The following EGF variants were observed in gnomAD, a reference collection of about 807,000 sequenced individuals.
The protein encoded by EGF is pro-epidermal growth factor.
In EGF, 95 loss-of-function variants were observed where a neutral mutation model predicts 143.8. That is an observed-to-expected ratio of 0.66 (90% CI 0.56 to 0.78). The LOEUF (loss-of-function observed/expected upper bound fraction) is 0.78. Ranked by LOEUF, EGF falls within the 30% of genes least tolerant of loss-of-function variation. The pLI, the probability that EGF is intolerant of heterozygous loss-of-function variation, is 0.00. For missense variants in EGF, 1,320 were observed against 1,470.9 expected, an observed-to-expected ratio of 0.90 and a Z score of 1.68; for synonymous variants, 510 against 510.5, an observed-to-expected ratio of 1.00 and a Z score of 0.01.
intron 1 of EGF, among the ~76,000 whole-genome samples, chr4:109,938,297 G>A (rs1260434721): frequency 6.6e-6 from 1 of 152,008 alleles, no homozygotes; most frequent in Admixed American, 6.6e-5. Flanking sequence ...TCTTCCGCTC[G>A]ATTGAATTGA....
In EGF at chr4:110,001,833, C is replaced by G. The variant is rs1476611069; in HGVS notation, c.3173+1987C>G. The G allele has an allele frequency of 9.1e-6, 9 of 985,272 alleles. No individual in the cohort carries two copies. The African/African-American group carries it at 1.6e-4, about 17-fold the overall frequency. 61.0% of individuals were successfully genotyped at this position (985,272 alleles called of 1,614,324 possible). ...AAAAGAAAGCTCATCAGAACCCTTTCTTTTTCTCTTCACTGAAATGCATCC... is the reference window on the plus strand; with the variant it reads ...AAAAGAAAGCTCATCAGAACCCTTTGTTTTTCTCTTCACTGAAATGCATCC... On this transcript the variant is annotated intron_variant, in intron 21 of 23. Transcript: ENST00000265171.
rs186324211 is a variant in EGF at position 109,932,600 on chromosome 4, G to T, written c.128-8346G>T. Among the ~76,000 whole-genome samples the T allele has an allele frequency of 0.013, 1,963 of 151,402 alleles. 204 individuals carry two copies. In the East Asian group the frequency reaches 0.23, roughly 18 times the overall value. Reference sequence around the variant, plus strand: ...TCACCGTGTTAGCCAGGAAGGTCTCGATCTCCTGACCTCATGATCCGCCTG... The same window carrying T: ...TCACCGTGTTAGCCAGGAAGGTCTCTATCTCCTGACCTCATGATCCGCCTG... On this transcript the variant is annotated intron_variant, in intron 1 of 23. Transcript: ENST00000265171.
At chr4:110,004,753 A>G (rs1461341093) in intron 22 of EGF, 131 bp downstream of exon 22, 1 of 428,968 alleles carries the variant, frequency 2.3e-6, no homozygotes, top group Non-Finnish European at 4.4e-6. Context: ...GTGTTAGCCA[A>G]GACCACATCA....
intron 1 of EGF, among the ~76,000 whole-genome samples, chr4:109,925,952 A>G (rs1369309509): frequency 6.6e-6 from 1 of 152,220 alleles, no homozygotes; most frequent in African/African-American, 2.4e-5. Flanking sequence ...ATGGAACATC[A>G]TTGATGTAGT....
At chr4:109,929,320 G>A (rs11568865) in intron 1 of EGF, among the ~76,000 whole-genome samples, 221 of 152,240 alleles carry the variant, frequency 1.5e-3, no homozygotes, top group African/African-American at 5.1e-3. Context: ...TTCTTCTTCT[G>A]TAAAATAGAG....
chr4:109,973,594 A>C, intron 11 of EGF, among the ~76,000 whole-genome samples: 6 of 143,178 alleles, frequency 4.2e-5, no homozygotes, highest in African/African-American at 1.0e-4. Flanking sequence ...TTCCCCTCTT[A>C]CTTCCCCCGA....
At chr4:109,930,295 C>A (rs764376124) in intron 1 of EGF, among the ~76,000 whole-genome samples, 11 of 152,124 alleles carry the variant, frequency 7.2e-5, no homozygotes, top group Non-Finnish European at 1.5e-4. Context: ...GTGAATAAAA[C>A]GTTCTGTACT....
intron 5 of EGF, among the ~76,000 whole-genome samples, chr4:109,951,895 G>A (rs966857757): frequency 1.3e-5 from 2 of 152,018 alleles, no homozygotes; most frequent in African/African-American, 4.8e-5. Context: ...GTAGTTAAGT[G>A]CTTCAGTTTG....
At chr4:109,944,228 AG>A (rs34223898) in intron 4 of EGF, among the ~76,000 whole-genome samples, 159 bp downstream of exon 4, 1 of 152,254 alleles carries the variant, frequency 6.6e-6, no homozygotes, top group Non-Finnish European at 1.5e-5. Context: ...TCACGAGGTC[AG>A]GAGATCGAGA....
rs1027507110 is a variant in EGF at position 109,999,731 on chromosome 4, T to C, written c.3058T>C (p.Trp1020Arg). The change falls in exon 21 of 24, where the codon TGG (tryptophan) becomes CGG (arginine). Residue 1020 changes from tryptophan (W) to arginine (R), a missense_variant. Physicochemically the swap from Trp to Arg is moderately radical, Grantham distance 101. Around this residue, in one of 5 missense-constraint regions of EGF, gnomAD observed 1,186 missense variants for 1,313.7 expected, o/e 0.90. Transcript: ENST00000265171. ...ERCQYRDLKW[W>R]ELRHAGHGQQ... ...ATGTCAGTACCGAGACCTGAAGTGG[T>C]GGGAACTGCGCCACGCTGGCCACGG... The C allele has an allele frequency of 1.2e-6, 2 of 1,613,896 alleles. No individual in the cohort carries two copies. The highest frequency in any genetic ancestry group is 8.5e-7 in the Non-Finnish European group (1 of 1,179,932).
At chr4:109,927,434 A>T (rs567946781) in intron 1 of EGF, among the ~76,000 whole-genome samples, 1 of 152,180 alleles carries the variant, frequency 6.6e-6, no homozygotes, top group South Asian at 2.1e-4. Context: ...TCCACCAAAG[A>T]CATGTCCAGG....
intron 11 of EGF, among the ~76,000 whole-genome samples, 160 bp from the exon 12 acceptor site, chr4:109,974,543 G>A (rs929147213): frequency 1.3e-5 from 2 of 152,168 alleles, no homozygotes; most frequent in African/African-American, 4.8e-5. Context: ...TTTGTTTGTG[G>A]GTGGGGGAGA....
At chr4:109,997,372 A>T (rs1578385450) in intron 20 of EGF, among the ~76,000 whole-genome samples, 1 of 152,150 alleles carries the variant, frequency 6.6e-6, no homozygotes. Context: ...TCTAGCCCTC[A>T]ATTCTTGATT....
intron 10 of EGF, 165 bp from the exon 11 acceptor site, chr4:109,968,806 G>T (rs1265743076): frequency 4.0e-6 from 3 of 755,070 alleles, no homozygotes; most frequent in African/African-American, 3.5e-5. Context: ...CTTGCTTAAG[G>T]TTACACGTAT....
intron 5 of EGF, among the ~76,000 whole-genome samples, chr4:109,948,552 C>T (rs1324675648): frequency 2.0e-5 from 3 of 151,980 alleles, no homozygotes; most frequent in Non-Finnish European, 2.9e-5. Context: ...TGTGCGATCT[C>T]GGCTCACTGC....
rs1396675718 is a variant in EGF at position 109,999,794 on chromosome 4, G to C, written c.3121G>C (p.Val1041Leu). 1 of 1,614,026 alleles carries C rather than the reference G, an allele frequency of 6.2e-7. No homozygotes were observed. Among genetic ancestry groups the C allele is most frequent in the South Asian group, 1.1e-5 (1 of 91,066 alleles). The part of the protein sequence containing the change: ...QKVIVVAVCV[V>L]VLVMLLLLSL... ...GGTCATCGTGGTGGCTGTCTGCGTG[G>C]TGGTGCTTGTCATGCTGCTCCTCCT... Residue 1041 changes from valine (V) to leucine (L), a missense_variant, in exon 21 of 24, where the codon GTG becomes CTG. Val to Leu is a conservative substitution (Grantham distance 32). Transcript: ENST00000265171.
chr4:110,011,742 A>G lies in EGF; in HGVS notation c.*287A>G. 2.2e-6 allele frequency: 1 copy of G among 450,808 alleles called. No homozygotes were observed. Among genetic ancestry groups the G allele is most frequent in the Non-Finnish European group, 4.0e-6 (1 of 247,898 alleles). The allele number at this position is 450,808 out of a possible 1,614,324, so 27.9% of individuals were successfully genotyped here. The stretch of plus-strand genomic sequence containing the variant: ...GTAAATTGTGTTGTCTTCAGCAGTC[A>G]ATACAAATAGATTTTTGTTTTTGTT... On this transcript the variant is annotated 3_prime_UTR_variant, in exon 24 of 24. Transcript: ENST00000265171.
Position 109,987,523 on chromosome 4 carries a change from C to T in EGF, c.2492-221C>T, listed in dbSNP as rs35889913. 6.7e-3 allele frequency among the ~76,000 whole-genome samples: 1,017 copies of T among 152,228 alleles called. 12 individuals carry two copies. Among genetic ancestry groups the T allele is most frequent in the Middle Eastern group, 0.044 (13 of 294 alleles). On this transcript the variant is annotated intron_variant, in intron 16 of 23. Coordinates refer to ENST00000265171, the MANE Select transcript of EGF (RefSeq NM_001963.6). ...CTCAAGTAATCCATCCTCAGCTTCC[C>T]AAAGTGCTGGGATTACAAGCATGAA...
rs1367592608 is a variant in EGF at position 109,941,107 on chromosome 4, C to T, written c.289C>T (p.Leu97Phe). The T allele has an allele frequency of 7.4e-6, 12 of 1,613,926 alleles. No homozygotes were observed. The highest frequency in any genetic ancestry group is 2.7e-5 in the African/African-American group (2 of 75,010). Residue 97 changes from leucine to phenylalanine, a missense_variant, in exon 2 of 24, where the codon CTT becomes TTT. Around this residue, in one of 5 missense-constraint regions of EGF, gnomAD observed 41 missense variants for 38.1 expected, o/e 1.07. Transcript: ENST00000265171. ...CTATTGGGTGGATTTAGAAAGACAACTTTTGCAAAGAGTTTTTCTGAATGG... is the reference window on the plus strand; with the variant it reads ...CTATTGGGTGGATTTAGAAAGACAATTTTTGCAAAGAGTTTTTCTGAATGG... ...RIYWVDLERQ[L>F]LQRVFLNGSR...
Sources: gnomAD v4.1 joint callset for allele counts (sites outside exome capture counted in the v4.1 genomes callset) on GRCh38, gnomAD v4.1.1 for gene constraint, gnomAD v4.1.1 regional missense constraint, MANE v1.5 for transcripts, NCBI Gene and HGNC (gene_info 2026-07-23, HGNC 2026-07-21) for gene names.